PARD3: variants seen among roughly 807,000 people sequenced by gnomAD.
The protein encoded by PARD3 is partitioning defective 3 homolog.
Under a neutral mutation model 155.4 loss-of-function variants are expected in PARD3, and 75 were observed. That is an observed-to-expected ratio of 0.48 (90% confidence interval 0.40 to 0.58). PARD3 has a LOEUF of 0.58. PARD3 is among the 20% of genes least tolerant of loss of function. The pLI is 0.00. For synonymous variants in PARD3, 576 were observed against 610.5 expected (o/e 0.94, Z 0.83); for missense variants, 1,642 against 1,721.7 (o/e 0.95, Z 0.82).
At chr10:34,317,825 G>A (rs745497984) in intron 19 of PARD3, among the ~76,000 whole-genome samples, 2 of 152,166 alleles carry the variant, frequency 1.3e-5, no homozygotes, top group Non-Finnish European at 2.9e-5. Context: ...TCAGCACAAG[G>A]ACTTCTTTCC....
chr10:34,753,171 G>A (rs1307083612), intron 1 of PARD3, among the ~76,000 whole-genome samples: 6 of 152,106 alleles, frequency 3.9e-5, no homozygotes, highest in Non-Finnish European at 7.4e-5. Context: ...GTGTACAAAC[G>A]AAGTCTCTCT....
At chr10:34,409,075 T>C (rs1398788825) in intron 5 of PARD3, among the ~76,000 whole-genome samples, 2 of 152,130 alleles carry the variant, frequency 1.3e-5, no homozygotes, top group African/African-American at 2.4e-5. Flanking sequence ...AGATTCCTAC[T>C]ATTCTTATCT....
At chr10:34,153,607 C>G (rs1340035346) in intron 22 of PARD3, among the ~76,000 whole-genome samples, 1 of 152,156 alleles carries the variant, frequency 6.6e-6, no homozygotes, top group Non-Finnish European at 1.5e-5. Flanking sequence ...TTACATAACT[C>G]CATTGTCCAC....
chr10:34,516,207 C>T (rs909280854), intron 3 of PARD3, among the ~76,000 whole-genome samples: 13 of 152,112 alleles, frequency 8.5e-5, no homozygotes, highest in East Asian at 1.9e-4. Context: ...TCAGGTGATC[C>T]GCCCACCTCA....
intron 9 of PARD3, among the ~76,000 whole-genome samples, chr10:34,379,461 T>C (rs11009761): frequency 0.041 from 6,189 of 152,184 alleles, 404 homozygotes; most frequent in African/African-American, 0.14. Flanking sequence ...ATGTTTGTTA[T>C]TGCTCTGGGG....
intron 12 of PARD3, among the ~76,000 whole-genome samples, chr10:34,367,803 A>C (rs1840121962): frequency 1.3e-5 from 2 of 152,224 alleles, no homozygotes; most frequent in Admixed American, 6.5e-5. Flanking sequence ...TTTCTAGCTC[A>C]TTAAATTTCT....
At chr10:34,219,654 C>A (rs1787487028) in intron 22 of PARD3, among the ~76,000 whole-genome samples, 1 of 152,146 alleles carries the variant, frequency 6.6e-6, no homozygotes, top group Non-Finnish European at 1.5e-5. Flanking sequence ...CCTTGCCGAG[C>A]CTAACCTCAG....
chr10:34,529,657 C>A (rs1048028967), intron 2 of PARD3, among the ~76,000 whole-genome samples: 1 of 152,060 alleles, frequency 6.6e-6, no homozygotes, highest in Non-Finnish European at 1.5e-5. Flanking sequence ...GTATTCCACA[C>A]TGAATTCTTA....
chr10:34,584,187 A>C (rs2087777355), intron 2 of PARD3, among the ~76,000 whole-genome samples: 1 of 152,204 alleles, frequency 6.6e-6, no homozygotes, highest in Non-Finnish European at 1.5e-5. Flanking sequence ...AGGGCAACCC[A>C]CCATTATTGC....
chr10:34,609,611 T>C (rs766666534), intron 2 of PARD3, among the ~76,000 whole-genome samples: 30 of 152,312 alleles, frequency 2.0e-4, no homozygotes, highest in South Asian at 1.0e-3. Flanking sequence ...GGCACAATCA[T>C]AGCTCGCTGT....
intron 15 of PARD3, chr10:34,343,930 A>G: frequency 2.0e-6 from 2 of 980,964 alleles, no homozygotes; most frequent in Non-Finnish European, 2.4e-6. Flanking sequence ...AACACCACAC[A>G]TGATACTAGA....
chr10:34,373,406 C>T (rs17473033), intron 11 of PARD3, among the ~76,000 whole-genome samples: 2,451 of 151,960 alleles, frequency 0.016, 36 homozygotes, highest in Middle Eastern at 0.027. Flanking sequence ...CTGGCACTAA[C>T]TCTGGAAAAG....
At chr10:34,639,418 G>GAA (rs71903377) in intron 2 of PARD3, among the ~76,000 whole-genome samples, 1 of 151,638 alleles carries the variant, frequency 6.6e-6, no homozygotes, top group African/African-American at 2.4e-5. Context: ...AAAACACAAG[G>GAA]AAAAAAAACA....
chr10:34,799,322 G>C (rs977479828), intron 1 of PARD3, among the ~76,000 whole-genome samples: 1 of 152,106 alleles, frequency 6.6e-6, no homozygotes, highest in Non-Finnish European at 1.5e-5. Context: ...GATTACAAGC[G>C]GGAGCCACCA....
At chr10:34,668,096 A>G (rs2093532917) in intron 2 of PARD3, among the ~76,000 whole-genome samples, 1 of 152,176 alleles carries the variant, frequency 6.6e-6, no homozygotes, top group Non-Finnish European at 1.5e-5. Flanking sequence ...GACAGTAACT[A>G]CCACGGGTTC....
chr10:34,343,931 T>C, intron 15 of PARD3: 1 of 980,816 alleles, frequency 1.0e-6, no homozygotes, highest in Non-Finnish European at 1.2e-6. Context: ...ACACCACACA[T>C]GATACTAGAG....
In PARD3 at chr10:34,592,091, C is replaced by T. The variant is rs144253915; in HGVS notation, c.223-74932G>A. 2.7e-3 allele frequency among the ~76,000 whole-genome samples: 412 copies of T among 151,006 alleles called. 8 individuals are homozygous for T. The East Asian group carries it at 0.07, about 26-fold the overall frequency. ...CCTTCAGTCCTGACACAGACCCAAA[C>T]TTTAGGCGCTCCTAACTAACCATCA... is the stretch of plus-strand genomic sequence containing the variant. On this transcript the variant is annotated intron_variant, in intron 2 of 24. Coordinates refer to ENST00000374788, the MANE Select transcript of PARD3 (RefSeq NM_001184785.2).
At chr10:34,301,469 G>T (rs1218516486) in intron 20 of PARD3, among the ~76,000 whole-genome samples, 2 of 151,880 alleles carry the variant, frequency 1.3e-5, no homozygotes, top group East Asian at 3.9e-4. Flanking sequence ...CCCCATTCCT[G>T]CCCTGAGCGC....
At chr10:34,231,329 T>C (rs1452862585) in intron 22 of PARD3, among the ~76,000 whole-genome samples, 3 of 149,518 alleles carry the variant, frequency 2.0e-5, no homozygotes, top group Non-Finnish European at 4.4e-5. Flanking sequence ...TTTTGGTTCC[T>C]GAACTATATT....
Sources: allele counts gnomAD v4.1 joint callset (sites outside exome capture counted in the v4.1 genomes callset), GRCh38; gene constraint gnomAD v4.1.1; transcripts MANE v1.5; gene names NCBI Gene and HGNC (gene_info 2026-07-23, HGNC 2026-07-21).